PPP6R1: variants seen among roughly 807,000 people sequenced by gnomAD.
PPP6R1 encodes the protein serine/threonine-protein phosphatase 6 regulatory subunit 1.
Under a neutral mutation model 104.6 loss-of-function variants are expected in PPP6R1, and 39 were observed. The observed-to-expected ratio is 0.37, with a 90% CI of 0.29 to 0.49. PPP6R1 has a LOEUF of 0.49. Among genes scored for constraint, PPP6R1 ranks in the 20% least tolerant of loss-of-function variants. The pLI is 0.98. For synonymous variants in PPP6R1, 549 were observed against 479.0 expected, an observed-to-expected ratio of 1.15 and a Z score of -1.91; for missense variants, 1,181 against 1,155.8, an observed-to-expected ratio of 1.02 and a Z score of -0.32.
chr19:55,242,758 A>C, intron 5 of PPP6R1: 1 of 469,144 alleles, frequency 2.1e-6, no homozygotes, highest in Non-Finnish European at 3.9e-6. Context: ...ACCGCCCACA[A>C]TGACCCAGAA....
intron 14 of PPP6R1, 41 bp from the exon 15 acceptor site, chr19:55,239,543 G>A: frequency 6.2e-7 from 1 of 1,609,518 alleles, no homozygotes; most frequent in Non-Finnish European, 8.5e-7. Flanking sequence ...GAGTTGGGCA[G>A]GACCCCACTC....
rs1306611397 is a variant in PPP6R1 at position 55,236,637 on chromosome 19, A to G, written c.1988+6T>C. 2 of 1,533,982 alleles carry G rather than the reference A, an allele frequency of 1.3e-6. No individual in the cohort carries two copies. Among genetic ancestry groups the G allele is most frequent in the Non-Finnish European group, 1.7e-6 (2 of 1,146,048 alleles). On this transcript the variant is annotated splice_donor_region_variant and intron_variant, in intron 17 of 23. Coordinates refer to ENST00000412770, the MANE Select transcript of PPP6R1 (RefSeq NM_014931.4). The stretch of plus-strand genomic sequence containing the variant: ...CTTGGAGAAGGGAAACTGGAGGGGG[A>G]CTCACCGGACACCAGGTGGCTGGCC...
rs137997514 is a variant in PPP6R1 at position 55,258,083 on chromosome 19, G to T, written c.-7+352C>A. On this transcript the variant is annotated intron_variant, in intron 1 of 23. Transcript: ENST00000412770. ...AAGCAGGCAAAGTCCAGGGTAACCA[G>T]GGAGAAAGACTCCTGGGGGGCCGGG... Among the ~76,000 whole-genome samples, 643 of 152,338 alleles carry T rather than the reference G, an allele frequency of 4.2e-3. 5 individuals are homozygous for T. Among genetic ancestry groups the T allele is most frequent in the African/African-American group, 0.013 (560 of 41,588 alleles).
intron 1 of PPP6R1, among the ~76,000 whole-genome samples, chr19:55,253,657 C>T (rs918880128): frequency 1.3e-5 from 2 of 152,192 alleles, no homozygotes; most frequent in Non-Finnish European, 2.9e-5. Context: ...CTCTACAGAC[C>T]TCAATTATCA....
chr19:55,247,163 T>C, intron 1 of PPP6R1, 54 bp from the exon 2 acceptor site: 3 of 1,557,402 alleles, frequency 1.9e-6, no homozygotes, highest in Non-Finnish European at 1.8e-6. Context: ...GAGTCCCCAC[T>C]GGACGAGGCA....
Position 55,241,380 on chromosome 19 carries a change from T to C in PPP6R1, c.1020A>G (p.Leu340=). Reference sequence around the variant, plus strand: ...GAGCCAGCATGCCCCATGTCATCTGTAGCGGCTCCAGCTGCAGACACAGGG... The same window carrying C: ...GAGCCAGCATGCCCCATGTCATCTGCAGCGGCTCCAGCTGCAGACACAGGG... The part of the protein sequence containing the change: ...LLLEPPKLEP[L]QMTWGMLAPP... Residue 340 remains leucine, a synonymous_variant, in exon 9 of 24, where the codon CTA becomes CTG. Transcript: ENST00000412770. This position sits in a 1 kb window ranked among gnomAD's most constrained non-coding sequence, Gnocchi z 5.4. The C allele has an allele frequency of 6.2e-7, 1 of 1,608,918 alleles. No individual in the cohort carries two copies.
rs576229168 is a variant in PPP6R1 at position 55,251,424 on chromosome 19, G to A, written c.-6-4315C>T. ...TGCCGTACCTGTCAGGGCGTTAGAC[G>A]AAGTGAAATCACTCCCACTCCGGCC... On this transcript the variant is annotated intron_variant, in intron 1 of 23. Transcript: ENST00000412770. 2.8e-3 allele frequency among the ~76,000 whole-genome samples: 426 copies of A among 152,264 alleles called. 1 individual carries two copies. The highest frequency in any genetic ancestry group is 3.6e-3 in the Non-Finnish European group (242 of 68,020).
chr19:55,255,390 T>C (rs1378974530), intron 1 of PPP6R1, among the ~76,000 whole-genome samples: 1 of 152,028 alleles, frequency 6.6e-6, no homozygotes, highest in African/African-American at 2.4e-5. Flanking sequence ...TGATCCAAAG[T>C]CAGAAAAGCT....
rs1324373495 is a variant in PPP6R1, at chr19:55,231,636, T to G, written c.2339A>C (p.Gln780Pro). Residue 780 changes from glutamine to proline, a missense_variant, in exon 20 of 24, where the codon CAG becomes CCG. Physicochemically the swap from Gln to Pro is moderately conservative, Grantham distance 76. Coordinates refer to ENST00000412770, the MANE Select transcript of PPP6R1 (RefSeq NM_014931.4). The part of the protein sequence containing the change: ...SQDPTPPSAP[Q>P]EATEGSKVTE... ...GACTTTGCTGCCTTCTGTGGCTTCCTGAGGTGCTGAGGGGGGTGTGGGGTC... is the reference window on the plus strand; with the variant it reads ...GACTTTGCTGCCTTCTGTGGCTTCCGGAGGTGCTGAGGGGGGTGTGGGGTC... The G allele has an allele frequency of 6.2e-7, 1 of 1,611,120 alleles. No individual in the cohort carries two copies. Among genetic ancestry groups the G allele is most frequent in the East Asian group, 2.2e-5 (1 of 44,852 alleles).
At chr19:55,256,478 T>C (rs1299891094) in intron 1 of PPP6R1, among the ~76,000 whole-genome samples, 1 of 152,212 alleles carries the variant, frequency 6.6e-6, no homozygotes, top group Non-Finnish European at 1.5e-5. Context: ...TCGCCCCCAG[T>C]TGAGAGCCAC....
intron 1 of PPP6R1, among the ~76,000 whole-genome samples, chr19:55,252,753 G>T (rs987361315): frequency 6.6e-6 from 1 of 152,096 alleles, no homozygotes; most frequent in Non-Finnish European, 1.5e-5. Flanking sequence ...GGCCAGGCTG[G>T]TCTTGAATGC....
chr19:55,254,976 G>A (rs996950061), intron 1 of PPP6R1, among the ~76,000 whole-genome samples: 3 of 152,234 alleles, frequency 2.0e-5, no homozygotes, highest in Non-Finnish European at 2.9e-5. Flanking sequence ...CAGCAAGGAG[G>A]AACCAGGGAC....
At chr19:55,232,411 G>C in intron 17 of PPP6R1, 200 bp from the exon 18 acceptor site, 1 of 721,626 alleles carries the variant, frequency 1.4e-6, no homozygotes. Context: ...AAGAACACAG[G>C]CGGGCAGGGA....
intron 13 of PPP6R1, 35 bp from the exon 14 acceptor site, chr19:55,239,718 G>A: frequency 6.3e-7 from 1 of 1,592,426 alleles, no homozygotes; most frequent in Non-Finnish European, 8.6e-7. Flanking sequence ...GCCTGCTGGA[G>A]CCCCCAGACC....
intron 1 of PPP6R1, among the ~76,000 whole-genome samples, chr19:55,250,840 C>T (rs761266695): frequency 1.1e-4 from 17 of 151,954 alleles, no homozygotes; most frequent in Non-Finnish European, 2.4e-4. Context: ...CCCCCACACT[C>T]GACCGCAGGC....
Position 55,245,472 on chromosome 19 carries a change from C to T in PPP6R1, c.414+20G>A. 6.2e-7 allele frequency: 1 copy of T among 1,610,270 alleles called. No homozygotes were observed. The highest frequency in any genetic ancestry group is 8.5e-7 in the Non-Finnish European group (1 of 1,178,174). ...ACCACCCCTCAACCCACGGTGGCGC[C>T]AGGGTGGGGGCCAGGGCACCTGGTC... On this transcript the variant is annotated intron_variant, in intron 3 of 23. Coordinates refer to ENST00000412770, the MANE Select transcript of PPP6R1 (RefSeq NM_014931.4). The surrounding 1 kb of genome is among the most constrained non-coding windows in gnomAD (Gnocchi z 6.4).
chr19:55,230,472 C>T lies in PPP6R1; in HGVS notation c.*56G>A, dbSNP rs987748471. The T allele has an allele frequency of 6.2e-7, 1 of 1,609,546 alleles. No individual in the cohort carries two copies. The highest frequency in any genetic ancestry group is 8.5e-7 in the Non-Finnish European group (1 of 1,177,742). ...CATCGTGGGACCCGCCCTGCCCCCA[C>T]CCCGGGAGATCCACGGGAGGACGGA... On this transcript the variant is annotated 3_prime_UTR_variant, in exon 24 of 24. Transcript: ENST00000412770.
At chr19:55,257,445 C>G (rs1024202959) in intron 1 of PPP6R1, among the ~76,000 whole-genome samples, 4 of 152,202 alleles carry the variant, frequency 2.6e-5, no homozygotes, top group African/African-American at 9.7e-5. Context: ...AAGACCCCAA[C>G]CAGAGGTCCC....
chr19:55,240,781 C>T (rs929293014), intron 10 of PPP6R1, among the ~76,000 whole-genome samples, 164 bp downstream of exon 10: 3 of 152,194 alleles, frequency 2.0e-5, no homozygotes, highest in Non-Finnish European at 4.4e-5. Context: ...ATGTTTCATC[C>T]GCGTTTCTCC....
Sources: gnomAD v4.1 joint callset for allele counts (sites outside exome capture counted in the v4.1 genomes callset) on GRCh38, gnomAD v4.1.1 for gene constraint, Gnocchi (gnomAD v3.1) non-coding constraint, MANE v1.5 for transcripts, NCBI Gene and HGNC (gene_info 2026-07-23, HGNC 2026-07-21) for gene names.